The following IP6K1 variants were observed in gnomAD, a reference collection of about 807,000 sequenced individuals.
The protein encoded by IP6K1 is inositol hexakisphosphate kinase 1.
Under a neutral mutation model 38.3 loss-of-function variants are expected in IP6K1, and 13 were observed. The observed-to-expected ratio is 0.34, with a 90% CI of 0.22 to 0.54. The LOEUF (loss-of-function observed/expected upper bound fraction) is 0.54. IP6K1 is among the 20% of genes least tolerant of loss of function. The pLI is 0.92. For synonymous variants in IP6K1, 212 were observed against 229.9 expected (o/e 0.92, Z 0.70); for missense variants, 397 against 599.8 (o/e 0.66, Z 3.53).
chr3:49,786,009 C>T (rs2081109678), intron 1 of IP6K1: 1 of 152,298 alleles, frequency 6.6e-6, no homozygotes, highest in Non-Finnish European at 1.5e-5. Flanking sequence ...TATTTCTCAG[C>T]CAGGAGCAAC....
intron 4 of IP6K1, among the ~76,000 whole-genome samples, chr3:49,732,035 C>G (rs2080567227): frequency 6.6e-6 from 1 of 152,008 alleles, no homozygotes; most frequent in Non-Finnish European, 1.5e-5. Flanking sequence ...TTCCTGGGCT[C>G]AAGCAATCCT....
chr3:49,732,261 T>C (rs2080568839), intron 4 of IP6K1, among the ~76,000 whole-genome samples: 2 of 152,090 alleles, frequency 1.3e-5, no homozygotes, highest in Admixed American at 1.3e-4. Flanking sequence ...TTTTATGGTG[T>C]TTATCATCAG....
At chr3:49,766,324 G>A (rs961712126) in intron 1 of IP6K1, among the ~76,000 whole-genome samples, 20 of 151,920 alleles carry the variant, frequency 1.3e-4, no homozygotes, top group African/African-American at 4.3e-4. Flanking sequence ...AGCCAAGATC[G>A]CGCCACTGCA....
At chr3:49,738,489 T>C (rs2080636448) in intron 2 of IP6K1, 67 bp from the exon 3 acceptor site, 1 of 1,229,314 alleles carries the variant, frequency 8.1e-7, no homozygotes, top group Non-Finnish European at 1.2e-6. Flanking sequence ...CACAGACTGT[T>C]GGCACTCACT....
chr3:49,738,475 G>A (rs1465648057), intron 2 of IP6K1, 53 bp from the exon 3 acceptor site: 2 of 1,415,160 alleles, frequency 1.4e-6, no homozygotes, highest in African/African-American at 2.8e-5. Flanking sequence ...CCGAGTCTAT[G>A]CAGCACAGAC....
chr3:49,771,277 C>T (rs1201926805), intron 1 of IP6K1, among the ~76,000 whole-genome samples: 2 of 150,476 alleles, frequency 1.3e-5, no homozygotes, highest in Admixed American at 6.6e-5. Context: ...GCAGAAGGAT[C>T]CTTTGAGCCC....
intron 1 of IP6K1, among the ~76,000 whole-genome samples, chr3:49,774,202 C>A (rs907794533): frequency 1.3e-5 from 2 of 151,684 alleles, no homozygotes; most frequent in East Asian, 3.9e-4. Context: ...TTAGGAGGAT[C>A]GAGAACATCC....
intron 1 of IP6K1, among the ~76,000 whole-genome samples, chr3:49,783,648 G>C (rs2081087201): frequency 2.0e-5 from 3 of 150,898 alleles, no homozygotes; most frequent in Admixed American, 1.3e-4. Flanking sequence ...AGGAGGTGGA[G>C]CTTGCAGTAA....
At chr3:49,738,467 G>T in intron 2 of IP6K1, 45 bp from the exon 3 acceptor site, 1 of 1,474,586 alleles carries the variant, frequency 6.8e-7, no homozygotes, top group Non-Finnish European at 9.5e-7. Flanking sequence ...AACACAGGCC[G>T]AGTCTATGCA....
At chr3:49,737,200 AG>A (rs2080620645) in intron 3 of IP6K1, among the ~76,000 whole-genome samples, 1 of 151,754 alleles carries the variant, frequency 6.6e-6, no homozygotes, top group Non-Finnish European at 1.5e-5. Context: ...CGTGAGCCAC[AG>A]CACTCAGCCT....
chr3:49,777,995 A>AT (rs1222916371), intron 1 of IP6K1, among the ~76,000 whole-genome samples: 1 of 151,686 alleles, frequency 6.6e-6, no homozygotes, highest in Non-Finnish European at 1.5e-5. Context: ...TGTGCAGGGG[A>AT]TTTTCTTTAA....
chr3:49,733,307 G>A (rs900552121), intron 3 of IP6K1, among the ~76,000 whole-genome samples: 3 of 152,134 alleles, frequency 2.0e-5, no homozygotes, highest in African/African-American at 4.8e-5. Flanking sequence ...TAGAACTCTC[G>A]TACACTGCTG....
Position 49,724,988 on chromosome 3 carries a change from T to C in IP6K1, c.*2134A>G. On this transcript the variant is annotated 3_prime_UTR_variant, in exon 6 of 6. Coordinates refer to ENST00000321599, the MANE Select transcript of IP6K1 (RefSeq NM_153273.4). The stretch of plus-strand genomic sequence containing the variant: ...CTGGCAGGGACAGGGCTCTCTGGCA[T>C]GGGGCAGGGAGAAAGCAGTGGCAGA... 6.5e-6 allele frequency: 1 copy of C among 152,846 alleles called. No homozygotes were observed. The highest frequency in any genetic ancestry group is 2.1e-4 in the South Asian group (1 of 4,826). The allele number at this position is 152,846 out of a possible 1,614,324, so 9.5% of individuals were successfully genotyped here.
Position 49,725,346 on chromosome 3 carries a change from C to A in IP6K1, c.*1776G>T, listed in dbSNP as rs11716895. ...TACACTAATGAAGGGCTACTGCCCC[C>A]ATGGCTGAAGCCACAGAATGGTACA... On this transcript the variant is annotated 3_prime_UTR_variant, in exon 6 of 6. Coordinates refer to ENST00000321599, the MANE Select transcript of IP6K1 (RefSeq NM_153273.4). 1,302 of 152,454 alleles carry A rather than the reference C, an allele frequency of 8.5e-3. 10 individuals carry two copies. Among genetic ancestry groups the A allele is most frequent in the Non-Finnish European group, 0.014 (925 of 68,048 alleles). 9.4% of individuals were successfully genotyped at this position (152,454 alleles called of 1,614,324 possible).
At chr3:49,737,061 C>A (rs1316136127) in intron 3 of IP6K1, among the ~76,000 whole-genome samples, 1 of 149,426 alleles carries the variant, frequency 6.7e-6, no homozygotes, top group Non-Finnish European at 1.5e-5. Context: ...CATGAGCCAC[C>A]AAGCCTGGCC....
intron 1 of IP6K1, among the ~76,000 whole-genome samples, chr3:49,782,781 A>G (rs555945875): frequency 6.6e-6 from 1 of 151,982 alleles, no homozygotes; most frequent in African/African-American, 2.4e-5. Flanking sequence ...ACTACACTCC[A>G]GCCTAGGAGG....
At chr3:49,732,760 G>T in intron 4 of IP6K1, 31 bp downstream of exon 4, 1 of 1,586,790 alleles carries the variant, frequency 6.3e-7, no homozygotes, top group South Asian at 1.1e-5. Flanking sequence ...GGACCCAGTA[G>T]ACACTCCTGA....
At chr3:49,776,580 C>T (rs2081010608) in intron 1 of IP6K1, among the ~76,000 whole-genome samples, 1 of 151,668 alleles carries the variant, frequency 6.6e-6, no homozygotes, top group Non-Finnish European at 1.5e-5. Flanking sequence ...GAAAAGGACA[C>T]TTATTTACAG....
intron 1 of IP6K1, among the ~76,000 whole-genome samples, chr3:49,765,040 G>A (rs1365800098): frequency 6.6e-6 from 1 of 152,074 alleles, no homozygotes; most frequent in African/African-American, 2.4e-5. Context: ...AAGTACAAAA[G>A]ATCCTAAACG....
Sources: gnomAD v4.1 joint callset for allele counts (sites outside exome capture counted in the v4.1 genomes callset) on GRCh38, gnomAD v4.1.1 for gene constraint, MANE v1.5 for transcripts, NCBI Gene and HGNC (gene_info 2026-07-23, HGNC 2026-07-21) for gene names.